TTN: variants seen among roughly 807,000 people sequenced by gnomAD.
TTN encodes titin, also known as connectin.
A neutral mutation model predicts 3,223.0 loss-of-function variants in TTN; 1,525 were observed. That is an observed-to-expected ratio of 0.47 (90% CI 0.45 to 0.49). The LOEUF is 0.49. TTN is among the 20% of genes least tolerant of loss of function. TTN has a pLI of 0.00. For missense variants in TTN, 40,786 were observed against 43,424.0 expected, an observed-to-expected ratio of 0.94 and a Z score of 5.40; for synonymous variants, 14,094 against 15,161.0, an observed-to-expected ratio of 0.93 and a Z score of 5.17.
Position 178,573,214 on chromosome 2 carries a change from A to G in TTN, c.72918T>C (p.Ser24306=). 3 of 1,607,194 alleles carry G rather than the reference A, an allele frequency of 1.9e-6. No individual in the cohort carries two copies. Among genetic ancestry groups the G allele is most frequent in the East Asian group, 2.2e-5 (1 of 44,696 alleles). ...RIMAENAAGI[S]APSPTSPFYK... ...AAAATGGACTGGTAGGACTTGGTGCACTAATTCCAGCAGCATTTTCAGCCA... is the reference window on the plus strand; with the variant it reads ...AAAATGGACTGGTAGGACTTGGTGCGCTAATTCCAGCAGCATTTTCAGCCA... Residue 24306 remains serine (S), a synonymous_variant, in exon 326 of 363, where the codon AGT becomes AGC. Transcript: ENST00000589042.
At position 178,614,049 on chromosome 2, in the gene TTN, T is replaced by C. The variant is rs2056845605; in HGVS notation, c.49345+3A>G. On this transcript the variant is annotated splice_donor_region_variant and intron_variant, in intron 262 of 362. Coordinates refer to ENST00000589042, the MANE Select transcript of TTN (RefSeq NM_001267550.2). ...TTTTTTATCAGCTGATTGAGAAACTTACCAAACTGATATTTGGCTGTTATT... is the reference window on the plus strand; with the variant it reads ...TTTTTTATCAGCTGATTGAGAAACTCACCAAACTGATATTTGGCTGTTATT... The C allele has an allele frequency of 4.3e-6, 7 of 1,611,346 alleles. No individual in the cohort carries two copies. Among genetic ancestry groups the C allele is most frequent in the Non-Finnish European group, 5.9e-6 (7 of 1,178,974 alleles).
At position 178,571,088 on chromosome 2, in the gene TTN, G is replaced by A. The variant is rs397517699; in HGVS notation, c.75044C>T (p.Ala25015Val). The A allele has an allele frequency of 1.9e-6, 3 of 1,613,250 alleles. No homozygotes were observed. The highest frequency in any genetic ancestry group is 1.7e-5 in the Admixed American group (1 of 59,974). ...CACAGAATTCCTTGTGACAATGATT[G>A]CCTCTGGCCGTCCTGGTGGATCACA... ...DPCDPPGRPEAIIVTRNSVTL... is the reference protein window; with the variant it reads ...DPCDPPGRPEVIIVTRNSVTL... Residue 25015 changes from alanine (A) to valine (V), a missense_variant, in exon 326 of 363, where the codon GCA (alanine) becomes GTA (valine). Physicochemically the swap from Ala to Val is moderately conservative, Grantham distance 64. Transcript: ENST00000589042.
At position 178,744,973 on chromosome 2, in the gene TTN, C is replaced by T. The variant is rs540107797; in HGVS notation, c.11312-3052G>A. On this transcript the variant is annotated intron_variant, in intron 47 of 362. Transcript: ENST00000589042. Reference sequence around the variant, plus strand: ...CACTTATGAAGAGGAATATTAATAACGAAAACATTTTTAAAAGAGATGAAG... The same window carrying T: ...CACTTATGAAGAGGAATATTAATAATGAAAACATTTTTAAAAGAGATGAAG... The T allele has an allele frequency of 2.2e-4, 214 of 985,058 alleles. 1 individual carries two copies. The African/African-American group carries it at 3.2e-3, about 15-fold the overall frequency. 61.0% of individuals were successfully genotyped at this position (985,058 alleles called of 1,614,324 possible). A position where few individuals can be genotyped will look rare whatever the true frequency, so the allele number is the denominator to read the frequency against.
In TTN at chr2:178,776,250, C is replaced by G; in HGVS notation, c.5614G>C (p.Val1872Leu). The G allele has an allele frequency of 1.2e-6, 2 of 1,614,168 alleles. No individual in the cohort carries two copies. Among genetic ancestry groups the G allele is most frequent in the Non-Finnish European group, 1.7e-6 (2 of 1,180,012 alleles). ...CRVTGYPQPK[V>L]NWYLNGQLIR... ...AGCTGTCCATTGAGGTACCAGTTGA[C>G]TTTGGGCTGAGGGTAGCCTGTTACC... Residue 1872 changes from valine (V) to leucine (L), a missense_variant, in exon 28 of 363, where the codon GTC (valine) becomes CTC (leucine). Coordinates refer to ENST00000589042, the MANE Select transcript of TTN (RefSeq NM_001267550.2).
chr2:178,771,618 A>G lies in TTN; in HGVS notation c.7856-147T>C, dbSNP rs2091499811. 6.0e-6 allele frequency: 7 copies of G among 1,170,226 alleles called. No individual in the cohort carries two copies. In the Admixed American group the frequency reaches 1.4e-4, roughly 24 times the overall value. 72.5% of individuals were successfully genotyped at this position (1,170,226 alleles called of 1,614,324 possible). ...TATGATTGTTTTTACCCATATTGAG[A>G]AGGTACCAAAGAAATCCCTTATTCT... On this transcript the variant is annotated intron_variant, in intron 33 of 362. Coordinates refer to ENST00000589042, the MANE Select transcript of TTN (RefSeq NM_001267550.2).
Position 178,565,537 on chromosome 2 carries a change from T to C in TTN, c.80595A>G (p.Arg26865=), listed in dbSNP as rs878865997. Residue 26865 remains arginine (R), a synonymous_variant, in exon 326 of 363, where the codon AGA becomes AGG. Transcript: ENST00000589042. ...AYNEKGKSDP[R]VLGVPVIAKD... ...TGGCTATGACAGGAACACCCAACAC[T>C]CTTGGATCGCTTTTTCCTTTCTCAT... 1 of 1,613,570 alleles carries C rather than the reference T, an allele frequency of 6.2e-7. No homozygotes were observed. The highest frequency in any genetic ancestry group is 8.5e-7 in the Non-Finnish European group (1 of 1,179,622).
At chr2:178,798,195 T>G (rs1310438179) in intron 6 of TTN, among the ~76,000 whole-genome samples, 2 of 152,160 alleles carry the variant, frequency 1.3e-5, no homozygotes, top group African/African-American at 4.8e-5. Flanking sequence ...GTCAACTATC[T>G]CCTTATTATT....
Position 178,714,019 on chromosome 2 carries a change from A to C in TTN, c.26639T>G (p.Phe8880Cys), listed in dbSNP as rs397517518. 41 of 1,613,448 alleles carry C rather than the reference A, an allele frequency of 2.5e-5. No individual in the cohort carries two copies. The highest frequency in any genetic ancestry group is 3.4e-5 in the Non-Finnish European group (40 of 1,179,676). ...LTSDNKYKIS[F>C]FNKVSGLKII... The stretch of plus-strand genomic sequence containing the variant: ...CTTAAGGCCGGATACTTTGTTGAAG[A>C]AGCTTATTTTGTATTTGTTGTCACT... The change falls in exon 92 of 363, where the codon TTC becomes TGC. Residue 8880 changes from phenylalanine to cysteine, a missense_variant. By Grantham distance (205) the Phe-to-Cys change is radical. Transcript: ENST00000589042.
intron 316 of TTN, among the ~76,000 whole-genome samples, chr2:178,581,181 G>A (rs2047651026): frequency 6.6e-6 from 1 of 151,950 alleles, no homozygotes; most frequent in Non-Finnish European, 1.5e-5. Flanking sequence ...ATAGTAAATA[G>A]CTCACTACTT....
chr2:178,630,083 C>G (rs896220931), intron 239 of TTN, among the ~76,000 whole-genome samples, 158 bp downstream of exon 239: 1 of 152,070 alleles, frequency 6.6e-6, no homozygotes, highest in African/African-American at 2.4e-5. Flanking sequence ...ATTTGAACCA[C>G]TTCTGTATTG....
Position 178,564,460 on chromosome 2 carries a change from G to A in TTN, c.81672C>T (p.Asn27224=), listed in dbSNP as rs767422816. The A allele has an allele frequency of 4.7e-5, 76 of 1,612,050 alleles. No individual in the cohort carries two copies. Among genetic ancestry groups the A allele is most frequent in the Middle Eastern group, 1.6e-4 (1 of 6,082 alleles). Reference sequence around the variant, plus strand: ...TCACTGTAAATTCAGTTTCTAATACGTTGGTAAAGCTGGCTTTCATCCAGC... The same window carrying A: ...TCACTGTAAATTCAGTTTCTAATACATTGGTAAAGCTGGCTTTCATCCAGC... ...DGRWMKASFT[N]VLETEFTVSG... The change falls in exon 326 of 363, where the codon AAC becomes AAT. Residue 27224 remains asparagine, a synonymous_variant. Transcript: ENST00000589042.
intron 43 of TTN, 56 bp downstream of exon 43, chr2:178,764,121 T>G: frequency 6.2e-7 from 1 of 1,613,096 alleles, no homozygotes; most frequent in Non-Finnish European, 8.5e-7. Context: ...CAGAATGTTT[T>G]TCCCATGTAA....
chr2:178,549,964 TAAG>T lies in TTN; in HGVS notation c.91852+19_91852+21del. ...AATCCAAGTTCATAAATTGTAGCAT[TAAG>T]AAGCTATTTTAAAAGTACCTTGTAC... On this transcript the variant is annotated intron_variant, in intron 337 of 362. Transcript: ENST00000589042. 7 of 1,586,816 alleles carry T rather than the reference TAAG, an allele frequency of 4.4e-6. No individual in the cohort carries two copies. Among genetic ancestry groups the T allele is most frequent in the Non-Finnish European group, 6.0e-6 (7 of 1,165,118 alleles).
At position 178,593,577 on chromosome 2, in the gene TTN, C is replaced by A. The variant is rs748522705; in HGVS notation, c.58723G>T (p.Asp19575Tyr). The change falls in exon 298 of 363, where the codon GAT becomes TAT. Residue 19575 changes from aspartate to tyrosine, a missense_variant. By Grantham distance (160) the Asp-to-Tyr change is radical. Coordinates refer to ENST00000589042, the MANE Select transcript of TTN (RefSeq NM_001267550.2). ...PLVSDSMKAK[D>Y]RFRVPDAPDQ... ...GAAACATAATGCATACTGAAACGAT[C>A]TTTGGCTTTCATTGAATCAGACACC... 1 of 1,611,836 alleles carries A rather than the reference C, an allele frequency of 6.2e-7. No individual in the cohort carries two copies. Among genetic ancestry groups the A allele is most frequent in the Admixed American group, 1.7e-5 (1 of 59,696 alleles).
At position 178,733,727 on chromosome 2, in the gene TTN, C is replaced by T. The variant is rs771186700; in HGVS notation, c.15662G>A (p.Gly5221Asp). Reference sequence around the variant, plus strand: ...ATCAGGGATTATCAAGACTGCAACACCATTGGAAAAGCTCATTTTGATTTT... The same window carrying T: ...ATCAGGGATTATCAAGACTGCAACATCATTGGAAAAGCTCATTTTGATTTT... ...DGKIKMSFSN[G>D]VAVLIIPDVQ... Residue 5221 changes from glycine (G) to aspartate (D), a missense_variant, in exon 53 of 363, where the codon GGT becomes GAT. Gly to Asp is a moderately conservative substitution (Grantham distance 94). Coordinates refer to ENST00000589042, the MANE Select transcript of TTN (RefSeq NM_001267550.2). 1.2e-5 allele frequency: 20 copies of T among 1,613,744 alleles called. No individual in the cohort carries two copies. Among genetic ancestry groups the T allele is most frequent in the Non-Finnish European group, 1.7e-5 (20 of 1,179,796 alleles).
In TTN at chr2:178,576,159, C is replaced by G. The variant is rs371871513; in HGVS notation, c.69973G>C (p.Gly23325Arg). The G allele has an allele frequency of 1.9e-6, 3 of 1,613,076 alleles. No individual in the cohort carries two copies. In the African/African-American group the frequency reaches 4.0e-5, roughly 22 times the overall value. Reference sequence around the variant, plus strand: ...ACATCTGGAATCACCGCTGGCTCCCCAACACCTGCATCGTTGATGGCACTG... The same window carrying G: ...ACATCTGGAATCACCGCTGGCTCCCGAACACCTGCATCGTTGATGGCACTG... ...RISAINDAGV[G>R]EPAVIPDVEI... The change falls in exon 326 of 363, where the codon GGG becomes CGG. Residue 23325 changes from glycine (G) to arginine (R), a missense_variant. By Grantham distance (125) the Gly-to-Arg change is moderately radical. Transcript: ENST00000589042. The surrounding 1 kb of genome is among the most constrained non-coding windows in gnomAD (Gnocchi z 4.3).
In TTN at chr2:178,747,228, T is replaced by C. The variant is rs375844130; in HGVS notation, c.11312-5307A>G. The C allele has an allele frequency of 8.7e-6, 14 of 1,610,376 alleles. No homozygotes were observed. The African/African-American group carries it at 1.2e-4, about 14-fold the overall frequency. On this transcript the variant is annotated intron_variant, in intron 47 of 362. Transcript: ENST00000589042. Reference sequence around the variant, plus strand: ...GGAGGTGTGGAGTATCTCTCTAGTGTCTCCCCTGGGGGTGTGGAGTATCTT... The same window carrying C: ...GGAGGTGTGGAGTATCTCTCTAGTGCCTCCCCTGGGGGTGTGGAGTATCTT...
chr2:178,688,865 C>T (rs2071567597), intron 125 of TTN, 87 bp from the exon 126 acceptor site: 3 of 1,194,802 alleles, frequency 2.5e-6, no homozygotes, highest in Admixed American at 4.0e-5. Flanking sequence ...TTGCACAGTA[C>T]ACCACTTTGA....
In TTN at chr2:178,572,735, T is replaced by C; in HGVS notation, c.73397A>G (p.His24466Arg). Residue 24466 changes from histidine to arginine, a missense_variant, in exon 326 of 363, where the codon CAT (histidine) becomes CGT (arginine). His to Arg is a conservative substitution (Grantham distance 29). Transcript: ENST00000589042. Reference sequence around the variant, plus strand: ...GCTAGCTTTATCTAAAGATTCTCCATGGTCCCGGGCCCACTTCACCTCAGG... The same window carrying C: ...GCTAGCTTTATCTAAAGATTCTCCACGGTCCCGGGCCCACTTCACCTCAGG... ...PAPEVKWARD[H>R]GESLDKASIE... is the part of the protein sequence containing the mutation. 2.5e-6 allele frequency: 4 copies of C among 1,613,494 alleles called. No individual in the cohort carries two copies. The highest frequency in any genetic ancestry group is 3.4e-6 in the Non-Finnish European group (4 of 1,179,584).
Sources: allele counts gnomAD v4.1 joint callset (sites outside exome capture counted in the v4.1 genomes callset), GRCh38; gene constraint gnomAD v4.1.1; non-coding constraint Gnocchi (gnomAD v3.1); transcripts MANE v1.5; gene names NCBI Gene and HGNC (gene_info 2026-07-23, HGNC 2026-07-21).